The following MORC1 variants were observed in gnomAD, a reference collection of about 807,000 sequenced individuals.
The protein encoded by MORC1 is MORC family CW-type zinc finger 1.
In MORC1, 59 loss-of-function variants were observed where a neutral mutation model predicts 134.9. The observed-to-expected ratio is 0.44, with a 90% CI of 0.35 to 0.54. MORC1 has a LOEUF of 0.54. Among genes scored for constraint, MORC1 ranks in the 20% least tolerant of loss-of-function variants. MORC1 has a pLI of 0.00. For synonymous variants in MORC1, 395 were observed against 391.7 expected (o/e 1.01, Z -0.10); for missense variants, 947 against 1,134.5 (o/e 0.83, Z 2.37).
intron 14 of MORC1, among the ~76,000 whole-genome samples, chr3:109,040,851 G>T (rs1050156883): frequency 2.3e-4 from 25 of 110,656 alleles, no homozygotes; most frequent in Non-Finnish European, 3.6e-4. Context: ...AAAAAAAAAA[G>T]AAAGAAAGAA....
At chr3:109,113,349 C>T (rs954989504) in intron 2 of MORC1, among the ~76,000 whole-genome samples, 1 of 152,052 alleles carries the variant, frequency 6.6e-6, no homozygotes, top group Non-Finnish European at 1.5e-5. Context: ...AGAGAGTTTC[C>T]TAAAAGGAGG....
chr3:109,060,008 C>A, intron 11 of MORC1, 138 bp from the exon 12 acceptor site: 1 of 653,632 alleles, frequency 1.5e-6, no homozygotes, highest in South Asian at 2.2e-5. Context: ...ATCATAGATT[C>A]TCAATACTTG....
At chr3:109,028,350 G>A (rs570513278) in intron 16 of MORC1, among the ~76,000 whole-genome samples, 112 of 152,178 alleles carry the variant, frequency 7.4e-4, no homozygotes, top group African/African-American at 2.5e-3. Context: ...GTGAAGACCC[G>A]TGACTACCCG....
chr3:108,961,991 A>G (rs553954460), intron 27 of MORC1, among the ~76,000 whole-genome samples: 1 of 152,302 alleles, frequency 6.6e-6, no homozygotes, highest in African/African-American at 2.4e-5. Flanking sequence ...AAACACTACC[A>G]TGTGCTAGGC....
chr3:109,050,545 T>C (rs1381029018), intron 14 of MORC1, among the ~76,000 whole-genome samples: 2 of 152,102 alleles, frequency 1.3e-5, no homozygotes, highest in African/African-American at 4.8e-5. Context: ...ACCATCATCC[T>C]GGGGGTCAGA....
intron 20 of MORC1, among the ~76,000 whole-genome samples, chr3:109,001,712 C>T (rs890927324): frequency 6.6e-6 from 1 of 152,194 alleles, no homozygotes; most frequent in Admixed American, 6.5e-5. Flanking sequence ...ATTCCTCAAG[C>T]TTCTGTCTAG....
chr3:108,993,487 G>A (rs1466801497), intron 21 of MORC1, among the ~76,000 whole-genome samples: 1 of 152,108 alleles, frequency 6.6e-6, no homozygotes, highest in East Asian at 1.9e-4. Flanking sequence ...GGGCAGCTCT[G>A]GTTTGCATTT....
At chr3:108,975,908 A>G (rs1056107658) in intron 24 of MORC1, among the ~76,000 whole-genome samples, 9 of 152,148 alleles carry the variant, frequency 5.9e-5, no homozygotes, top group Non-Finnish European at 1.3e-4. Flanking sequence ...GTTGCACTCC[A>G]ATATTTAAAA....
rs11433147 is a variant in MORC1 at position 108,986,868 on chromosome 3, A to AT, written c.2257+11dup. ...CTAATATATATATATACATGAGCTG[A>AT]TTTTTTTTTACCTTGGTTTAAAAGA... is the stretch of plus-strand genomic sequence containing the variant. On this transcript the variant is annotated intron_variant, in intron 22 of 27. Coordinates refer to ENST00000232603, the MANE Select transcript of MORC1 (RefSeq NM_014429.4). 972,442 of 1,363,086 alleles carry AT rather than the reference A, an allele frequency of 0.71. 344,950 individuals are homozygous for AT. Among genetic ancestry groups the AT allele is most frequent in the Middle Eastern group, 0.77 (3,629 of 4,740 alleles). 84.4% of individuals were successfully genotyped at this position (1,363,086 alleles called of 1,614,324 possible). A position where few individuals can be genotyped will look rare whatever the true frequency, so the allele number is the denominator to read the frequency against.
chr3:109,018,170 T>TA (rs908875808), intron 17 of MORC1, among the ~76,000 whole-genome samples: 1 of 152,136 alleles, frequency 6.6e-6, no homozygotes. Flanking sequence ...CCCTGGAAAG[T>TA]AAAGAATGCT....
intron 16 of MORC1, among the ~76,000 whole-genome samples, chr3:109,030,131 C>T (rs188919988): frequency 6.6e-6 from 1 of 152,304 alleles, no homozygotes; most frequent in African/African-American, 2.4e-5. Context: ...TAACTACTGA[C>T]AAGAAACCGT....
chr3:109,007,834 T>A lies in MORC1; in HGVS notation c.1705-743A>T, dbSNP rs9824665. Among the ~76,000 whole-genome samples, 1,387 of 152,334 alleles carry A rather than the reference T, an allele frequency of 9.1e-3. 9 individuals are homozygous for A. The highest frequency in any genetic ancestry group is 0.016 in the Non-Finnish European group (1,096 of 68,032). On this transcript the variant is annotated intron_variant, in intron 17 of 27. Coordinates refer to ENST00000232603, the MANE Select transcript of MORC1 (RefSeq NM_014429.4). ...AAAATGAAGCCTCTTTACTACTTCA[T>A]TCTCCACTTGTCTAATTCATATTCC...
chr3:109,043,113 T>G (rs1187514129), intron 14 of MORC1, among the ~76,000 whole-genome samples: 8 of 140,864 alleles, frequency 5.7e-5, no homozygotes. Flanking sequence ...GTAACATTAT[T>G]CACAATAGCT....
intron 17 of MORC1, among the ~76,000 whole-genome samples, chr3:109,018,574 A>T (rs6807412): frequency 0.9 from 136,797 of 152,132 alleles, 62,707 homozygotes; most frequent in East Asian, 1. Flanking sequence ...TGCCACTCTC[A>T]TACAGAAATG....
chr3:108,971,763 G>A (rs1208010949), intron 24 of MORC1, among the ~76,000 whole-genome samples: 1 of 141,762 alleles, frequency 7.1e-6, no homozygotes, highest in African/African-American at 2.6e-5. Flanking sequence ...ACAACTTAAT[G>A]TGAACATACA....
Position 109,028,242 on chromosome 3 carries a change from C to T in MORC1, c.1566-353G>A, listed in dbSNP as rs981901991. ...ATCTCATCACTGCCATTTCCCCCCC[C>T]AAAAAAGGTAGCGAAATATATATGT... On this transcript the variant is annotated intron_variant, in intron 16 of 27. Coordinates refer to ENST00000232603, the MANE Select transcript of MORC1 (RefSeq NM_014429.4). 3.3e-5 allele frequency among the ~76,000 whole-genome samples: 5 copies of T among 151,942 alleles called. No homozygotes were observed. The South Asian group carries it at 1.0e-3, about 32-fold the overall frequency.
At chr3:109,081,442 C>T (rs1195645497) in intron 8 of MORC1, among the ~76,000 whole-genome samples, 7 of 145,514 alleles carry the variant, frequency 4.8e-5, no homozygotes, top group African/African-American at 1.8e-4. Context: ...GCAGATGGTA[C>T]AAGAATTAAA....
chr3:109,112,746 T>C (rs947437415), intron 2 of MORC1, among the ~76,000 whole-genome samples: 6 of 152,230 alleles, frequency 3.9e-5, no homozygotes, highest in Admixed American at 3.3e-4. Context: ...TTAAACCTTA[T>C]AAACAATTCC....
At chr3:108,999,876 G>GT (rs3840211) in intron 21 of MORC1, among the ~76,000 whole-genome samples, 30,890 of 151,936 alleles carry the variant, frequency 0.2, 3,490 homozygotes, top group Middle Eastern at 0.33. Context: ...CTTTTAGTGA[G>GT]TTTTTTTTAA....
Sources: gnomAD v4.1 joint callset for allele counts (sites outside exome capture counted in the v4.1 genomes callset) on GRCh38, gnomAD v4.1.1 for gene constraint, MANE v1.5 for transcripts, NCBI Gene and HGNC (gene_info 2026-07-23, HGNC 2026-07-21) for gene names.